GPT2: variants seen among roughly 807,000 people sequenced by gnomAD.
GPT2 encodes the protein alanine aminotransferase 2.
A neutral mutation model predicts 56.9 loss-of-function variants in GPT2; 30 were observed. The observed-to-expected ratio is 0.53, with a 90% CI of 0.39 to 0.72. The LOEUF is 0.72. GPT2 is among the 30% of genes least tolerant of loss of function. The pLI is 0.00. For missense variants in GPT2, 542 were observed against 703.4 expected (o/e 0.77, Z 2.60); for synonymous variants, 271 against 283.1 (o/e 0.96, Z 0.43).
At chr16:46,905,129 T>A (rs896649741) in intron 4 of GPT2, among the ~76,000 whole-genome samples, 1 of 151,674 alleles carries the variant, frequency 6.6e-6, no homozygotes, top group Non-Finnish European at 1.5e-5. Flanking sequence ...CAATCTTGGC[T>A]CACTGCAACC....
intron 6 of GPT2, chr16:46,915,430 TAC>T (rs780925001): frequency 1.2e-4 from 17 of 142,666 alleles, no homozygotes; most frequent in Non-Finnish European, 2.6e-4. Context: ...CCACCACACC[TAC>T]ACACACACCA....
chr16:46,916,201 C>G (rs1392138849), intron 6 of GPT2: 1 of 155,948 alleles, frequency 6.4e-6, no homozygotes. Context: ...ACAAAATTGG[C>G]CAGGCATGGT....
intron 4 of GPT2, among the ~76,000 whole-genome samples, chr16:46,903,591 G>C (rs1169163711): frequency 6.6e-6 from 1 of 152,156 alleles, no homozygotes; most frequent in Non-Finnish European, 1.5e-5. Context: ...ACAGGCATAA[G>C]CCACCACACC....
Position 46,918,612 on chromosome 16 carries a change from C to A in GPT2, c.901-9C>A. On this transcript the variant is annotated splice_polypyrimidine_tract_variant and intron_variant, in intron 7 of 11. Coordinates refer to ENST00000340124, the MANE Select transcript of GPT2 (RefSeq NM_133443.4). Reference sequence around the variant, plus strand: ...CCCTTTGGTGACCGTCCCTGCCGTGCCCCCGCAGGTGTACCAGGACAACGT... The same window carrying A: ...CCCTTTGGTGACCGTCCCTGCCGTGACCCCGCAGGTGTACCAGGACAACGT... The A allele has an allele frequency of 6.2e-7, 1 of 1,613,616 alleles. No homozygotes were observed. The highest frequency in any genetic ancestry group is 1.1e-5 in the South Asian group (1 of 91,032).
At chr16:46,918,285 G>A (rs540190465) in intron 7 of GPT2, among the ~76,000 whole-genome samples, 31 of 152,180 alleles carry the variant, frequency 2.0e-4, no homozygotes, top group Admixed American at 4.6e-4. Context: ...AGGAAGCACC[G>A]TGCTTTAGGA....
intron 2 of GPT2, among the ~76,000 whole-genome samples, chr16:46,891,864 TC>T (rs1960591877): frequency 6.6e-6 from 1 of 151,890 alleles, no homozygotes; most frequent in African/African-American, 2.4e-5. Context: ...ACTAGATAAT[TC>T]CTTCTACTTT....
chr16:46,929,094 G>C lies in GPT2; in HGVS notation c.*97G>C, dbSNP rs1294296245. The C allele has an allele frequency of 7.9e-6, 7 of 884,474 alleles. No individual in the cohort carries two copies. Among genetic ancestry groups the C allele is most frequent in the Non-Finnish European group, 1.1e-5 (6 of 531,502 alleles). 54.8% of individuals were successfully genotyped at this position (884,474 alleles called of 1,614,324 possible). On this transcript the variant is annotated 3_prime_UTR_variant, in exon 12 of 12. Coordinates refer to ENST00000340124, the MANE Select transcript of GPT2 (RefSeq NM_133443.4). Reference sequence around the variant, plus strand: ...CCCCCGTGACTCTGCCTCGGGCCTCGCAGAGGCCGCTGGTCACTTCGTCAT... The same window carrying C: ...CCCCCGTGACTCTGCCTCGGGCCTCCCAGAGGCCGCTGGTCACTTCGTCAT...
At chr16:46,922,117 G>T (rs1961298926) in intron 8 of GPT2, 125 bp from the exon 9 acceptor site, 1 of 809,812 alleles carries the variant, frequency 1.2e-6, no homozygotes, top group Admixed American at 2.6e-5. Context: ...CCATTGGCAA[G>T]AACTCAGCCA....
intron 6 of GPT2, among the ~76,000 whole-genome samples, chr16:46,913,597 C>CAAGA (rs1961085888): frequency 6.6e-6 from 1 of 152,124 alleles, no homozygotes; most frequent in African/African-American, 2.4e-5. Flanking sequence ...TTAGCTAGTT[C>CAAGA]AAGATAGAAA....
At chr16:46,899,329 A>C (rs1960771840) in intron 3 of GPT2, among the ~76,000 whole-genome samples, 1 of 152,150 alleles carries the variant, frequency 6.6e-6, no homozygotes, top group Non-Finnish European at 1.5e-5. Context: ...ATTTTGGATC[A>C]AAATGCAGTG....
chr16:46,890,412 C>T (rs141725461), intron 2 of GPT2, among the ~76,000 whole-genome samples: 1 of 152,270 alleles, frequency 6.6e-6, no homozygotes, highest in East Asian at 1.9e-4. Context: ...TTCCCTGCAC[C>T]CCCTTCTTAT....
intron 11 of GPT2, 38 bp downstream of exon 11, chr16:46,927,075 C>T: frequency 1.5e-6 from 2 of 1,323,892 alleles, no homozygotes; most frequent in Non-Finnish European, 2.1e-6. Flanking sequence ...TGGTCCGGGT[C>T]TTGTCCAGGG....
chr16:46,892,227 C>G (rs1246974991), intron 2 of GPT2, among the ~76,000 whole-genome samples: 1 of 152,082 alleles, frequency 6.6e-6, no homozygotes, highest in Non-Finnish European at 1.5e-5. Context: ...ACATAGTGTC[C>G]TCCAGGTTCA....
intron 4 of GPT2, among the ~76,000 whole-genome samples, chr16:46,905,385 C>T (rs1324743485): frequency 1.3e-5 from 2 of 152,176 alleles, no homozygotes; most frequent in African/African-American, 4.8e-5. Flanking sequence ...CTCCTCGATG[C>T]CAGGCCTGGA....
chr16:46,916,755 A>G lies in GPT2; in HGVS notation c.900+48A>G, dbSNP rs200673618. ...GGAGTGGGCACTAGCTTTCTCTTCT[A>G]GAGGGAGGGACCCAGCCCCCATTGT... is the stretch of plus-strand genomic sequence containing the variant. On this transcript the variant is annotated intron_variant, in intron 7 of 11. Coordinates refer to ENST00000340124, the MANE Select transcript of GPT2 (RefSeq NM_133443.4). 4.6e-6 allele frequency: 6 copies of G among 1,294,284 alleles called. No homozygotes were observed. In the East Asian group the frequency reaches 6.9e-5, roughly 15 times the overall value. 80.2% of individuals were successfully genotyped at this position (1,294,284 alleles called of 1,614,324 possible). A position where few individuals can be genotyped will look rare whatever the true frequency, so the allele number is the denominator to read the frequency against.
intron 8 of GPT2, among the ~76,000 whole-genome samples, chr16:46,920,779 C>G (rs934415056): frequency 1.3e-5 from 2 of 152,150 alleles, no homozygotes; most frequent in African/African-American, 4.8e-5. Flanking sequence ...CCTTGCTTGA[C>G]TTCCTTTTGC....
intron 8 of GPT2, among the ~76,000 whole-genome samples, chr16:46,921,185 T>C (rs1312256189): frequency 6.6e-6 from 1 of 152,200 alleles, no homozygotes; most frequent in African/African-American, 2.4e-5. Flanking sequence ...TTTTGTTGTT[T>C]TGAGATGTAA....
chr16:46,892,107 C>T (rs2143353151), intron 2 of GPT2, among the ~76,000 whole-genome samples: 1 of 152,290 alleles, frequency 6.6e-6, no homozygotes, highest in East Asian at 1.9e-4. Flanking sequence ...GCAGCTATCA[C>T]CTCTGCTTTT....
At chr16:46,925,213 T>TTTTTTTG (rs1169554742) in intron 10 of GPT2, among the ~76,000 whole-genome samples, 1 of 105,998 alleles carries the variant, frequency 9.4e-6, no homozygotes, top group African/African-American at 5.1e-5. Flanking sequence ...GCCTGGCTTG[T>TTTTTTTG]TTTTTTGTTT....
Sources: gnomAD v4.1 joint callset for allele counts (sites outside exome capture counted in the v4.1 genomes callset) on GRCh38, gnomAD v4.1.1 for gene constraint, MANE v1.5 for transcripts, NCBI Gene and HGNC (gene_info 2026-07-23, HGNC 2026-07-21) for gene names.